The following FLNB variants were observed in gnomAD, a reference collection of about 807,000 sequenced individuals.
FLNB encodes filamin B.
In FLNB, 111 loss-of-function variants were observed where a neutral mutation model predicts 250.6. The observed-to-expected ratio is 0.44, with a 90% CI of 0.38 to 0.52. The LOEUF (loss-of-function observed/expected upper bound fraction) is 0.52. FLNB is among the 20% of genes least tolerant of loss of function. FLNB has a pLI of 0.00. For missense variants in FLNB, 2,869 were observed against 3,447.8 expected, an observed-to-expected ratio of 0.83 and a Z score of 4.20; for synonymous variants, 1,302 against 1,372.1, an observed-to-expected ratio of 0.95 and a Z score of 1.13.
intron 1 of FLNB, among the ~76,000 whole-genome samples, chr3:58,068,956 G>C (rs2097190006): frequency 6.6e-6 from 1 of 151,846 alleles, no homozygotes; most frequent in African/African-American, 2.4e-5. Context: ...TGACCAGCCT[G>C]GGCAACATGG....
chr3:58,072,397 G>A (rs560359488), intron 1 of FLNB, among the ~76,000 whole-genome samples: 2 of 152,278 alleles, frequency 1.3e-5, no homozygotes, highest in South Asian at 2.1e-4. Flanking sequence ...AAAGGCTTCC[G>A]GCTCATCTGG....
At chr3:58,159,425 G>C in intron 41 of FLNB, 129 bp from the exon 42 acceptor site, 3 of 917,522 alleles carry the variant, frequency 3.3e-6, no homozygotes, top group Non-Finnish European at 5.4e-6. Context: ...CCTGCCCTTT[G>C]TTGTCATATG....
chr3:58,065,183 C>T (rs894323696), intron 1 of FLNB, among the ~76,000 whole-genome samples: 2 of 152,186 alleles, frequency 1.3e-5, no homozygotes, highest in Non-Finnish European at 2.9e-5. Context: ...ATGTTTTTCC[C>T]GAGAGCCTCG....
Position 58,169,812 on chromosome 3 carries a change from TCA to T in FLNB, c.7621+20_7621+21del. The T allele has an allele frequency of 1.3e-6, 1 of 743,080 alleles. No homozygotes were observed. The highest frequency in any genetic ancestry group is 2.3e-6 in the Non-Finnish European group (1 of 439,456). The allele number at this position is 743,080 out of a possible 1,614,324, so 46.0% of individuals were successfully genotyped here. ...AAAGCTGGTAGGTGTCTGGGCCTTT[TCA>T]AGGGTGGGGTGGGGCAGGGGCAGGC... On this transcript the variant is annotated intron_variant, in intron 45 of 45. Transcript: ENST00000295956. The surrounding 1 kb of genome is among the most constrained non-coding windows in gnomAD (Gnocchi z 4.8).
At chr3:58,101,532 A>G (rs1401370750) in intron 8 of FLNB, among the ~76,000 whole-genome samples, 45 of 152,226 alleles carry the variant, frequency 3.0e-4, no homozygotes, top group Non-Finnish European at 4.4e-5. Context: ...TTACAACTCT[A>G]GGTTTTCAAG....
intron 9 of FLNB, among the ~76,000 whole-genome samples, chr3:58,103,182 G>A (rs1052069850): frequency 1.3e-4 from 20 of 152,146 alleles, no homozygotes; most frequent in Admixed American, 9.2e-4. Context: ...GAGGGTAGCC[G>A]AGGTTCTAGA....
intron 2 of FLNB, 143 bp from the exon 3 acceptor site, chr3:58,078,574 T>TA (rs2097204755): frequency 1.3e-6 from 2 of 1,525,312 alleles, no homozygotes; most frequent in Non-Finnish European, 1.8e-6. Context: ...ACTTTTTGCC[T>TA]ATTAAATATA....
intron 1 of FLNB, among the ~76,000 whole-genome samples, chr3:58,028,543 G>T (rs1366370563): frequency 6.6e-6 from 1 of 151,430 alleles, no homozygotes; most frequent in Non-Finnish European, 1.5e-5. Flanking sequence ...AATCACTTGT[G>T]GCCAGGAGTT....
chr3:58,120,746 A>C (rs760980672), intron 19 of FLNB, among the ~76,000 whole-genome samples: 1 of 152,220 alleles, frequency 6.6e-6, no homozygotes, highest in Non-Finnish European at 1.5e-5. Flanking sequence ...TTAACACCAA[A>C]AGTAAGTAAA....
At chr3:58,100,364 TA>T (rs1553696183) in intron 8 of FLNB, among the ~76,000 whole-genome samples, 12 of 25,508 alleles carry the variant, frequency 4.7e-4, no homozygotes, top group African/African-American at 1.2e-3. Context: ...TTTACATATG[TA>T]AAAAAAAAAT....
At chr3:58,137,268 C>CA (rs2097317746) in intron 28 of FLNB, among the ~76,000 whole-genome samples, 1 of 152,070 alleles carries the variant, frequency 6.6e-6, no homozygotes, top group Non-Finnish European at 1.5e-5. Flanking sequence ...TCACCCATGG[C>CA]AAAAAATGGA....
chr3:58,082,430 C>A (rs758145106), intron 4 of FLNB, among the ~76,000 whole-genome samples: 16 of 152,046 alleles, frequency 1.1e-4, no homozygotes, highest in Non-Finnish European at 2.2e-4. Context: ...AATGCCTTTT[C>A]TATGGGGGAG....
chr3:58,154,947 C>G lies in FLNB; in HGVS notation c.6772+19C>G, dbSNP rs568096675. On this transcript the variant is annotated intron_variant, in intron 40 of 45. Transcript: ENST00000295956. ...GAGCCTGGTATGTATTCAGGGTTCA[C>G]AAGAGGACATTTTCCTTGTTTGAAC... The G allele has an allele frequency of 6.2e-7, 1 of 1,611,902 alleles. No individual in the cohort carries two copies. The highest frequency in any genetic ancestry group is 8.5e-7 in the Non-Finnish European group (1 of 1,178,030).
rs1457525165 is a variant in FLNB at position 58,168,465 on chromosome 3, CACCA to C, written c.7225_7228del (p.Thr2409ProfsTer42). On this transcript the variant is annotated frameshift_variant, in exon 44 of 46. Coordinates refer to ENST00000295956, the MANE Select transcript of FLNB (RefSeq NM_001457.4). LOFTEE classifies it high-confidence loss of function. ...GTATCCAGTCGGAATTCTTTATTAA[CACCA>C]CCCGAGCAGGTCCAGGGACATTATC... The C allele has an allele frequency of 1.9e-6, 3 of 1,614,124 alleles. No homozygotes were observed. Among genetic ancestry groups the C allele is most frequent in the Non-Finnish European group, 2.5e-6 (3 of 1,179,918 alleles).
rs1295057728 is a variant in FLNB, at chr3:58,118,971, C to T, written c.2845C>T (p.Leu949Phe). Residue 949 changes from leucine to phenylalanine, a missense_variant, in exon 19 of 46, where the codon CTC becomes TTC. Leu to Phe is a conservative substitution (Grantham distance 22). Around this residue, in one of 5 missense-constraint regions of FLNB, gnomAD observed 1,348 missense variants for 1,466.7 expected, o/e 0.92. Transcript: ENST00000295956. ...AAPLDLSKIKLNGLENRVEVG... is the reference protein window; with the variant it reads ...AAPLDLSKIKFNGLENRVEVG... The stretch of plus-strand genomic sequence containing the variant: ...ACCGCTGGATCTGAGCAAGATAAAA[C>T]TCAATGGGCTGGAAAACAGTAAGTG... The T allele has an allele frequency of 2.5e-6, 4 of 1,613,292 alleles. No individual in the cohort carries two copies. Among genetic ancestry groups the T allele is most frequent in the Non-Finnish European group, 2.5e-6 (3 of 1,179,328 alleles).
At chr3:58,077,792 C>A (rs1399141820) in intron 2 of FLNB, among the ~76,000 whole-genome samples, 1 of 152,166 alleles carries the variant, frequency 6.6e-6, no homozygotes, top group African/African-American at 2.4e-5. Context: ...TGGTCAGGAT[C>A]CAGTTGGAGC....
At position 58,077,175 on chromosome 3, in the gene FLNB, C is replaced by T; in HGVS notation, c.422C>T (p.Pro141Leu). ...EGDDDAKKQT[P>L]KQRLLGWIQN... is the part of the protein sequence containing the mutation. ...GATGATGATGCCAAGAAGCAGACGC[C>T]AAAGCAGAGGCTGCTGGGGTGGATT... is the stretch of plus-strand genomic sequence containing the variant. The change falls in exon 2 of 46, where the codon CCA (proline) becomes CTA (leucine). Residue 141 changes from proline to leucine, a missense_variant. Around this residue, in one of 5 missense-constraint regions of FLNB, gnomAD observed 308 missense variants for 466.1 expected, o/e 0.66. Transcript: ENST00000295956. The T allele has an allele frequency of 6.2e-7, 1 of 1,614,100 alleles. No homozygotes were observed. The highest frequency in any genetic ancestry group is 8.5e-7 in the Non-Finnish European group (1 of 1,180,026).
chr3:58,060,192 G>GT lies in FLNB; in HGVS notation c.293-16848dup, dbSNP rs201251597. Among the ~76,000 whole-genome samples the GT allele has an allele frequency of 9.1e-3, 1,382 of 152,150 alleles. 18 individuals are homozygous for GT. Among genetic ancestry groups the GT allele is most frequent in the African/African-American group, 0.032 (1,319 of 41,496 alleles). ...GCGCAAGGGAGTTAGGAAGGTGGGT[G>GT]TTTTTTGTTTTTGTTTTTTGGTGGC... is the stretch of plus-strand genomic sequence containing the variant. On this transcript the variant is annotated intron_variant, in intron 1 of 45. Coordinates refer to ENST00000295956, the MANE Select transcript of FLNB (RefSeq NM_001457.4).
intron 24 of FLNB, 122 bp downstream of exon 24, chr3:58,126,884 A>G (rs891495215): frequency 2.3e-6 from 2 of 883,806 alleles, no homozygotes; most frequent in Non-Finnish European, 3.6e-6. Context: ...GCAAAAGGAG[A>G]GTTTTTCTTA....
Sources: gnomAD v4.1 joint callset for allele counts (sites outside exome capture counted in the v4.1 genomes callset) on GRCh38, gnomAD v4.1.1 for gene constraint, gnomAD v4.1.1 regional missense constraint, Gnocchi (gnomAD v3.1) non-coding constraint, MANE v1.5 for transcripts, NCBI Gene and HGNC (gene_info 2026-07-23, HGNC 2026-07-21) for gene names.